Variants in HSDL2 observed in about 807,000 individuals in gnomAD.
HSDL2 encodes hydroxysteroid dehydrogenase like 2, also known as hydroxysteroid dehydrogenase-like protein 2.
HSDL2 carries 27 observed loss-of-function variants against 46.3 expected under a neutral mutation model. That is an observed-to-expected ratio of 0.58 (90% confidence interval 0.43 to 0.80). The LOEUF is 0.80. Among genes scored for constraint, HSDL2 ranks in the 30% least tolerant of loss-of-function variants. The pLI is 0.00. For missense variants in HSDL2, 451 were observed against 502.7 expected (o/e 0.90, Z 0.98); for synonymous variants, 153 against 163.6 (o/e 0.94, Z 0.50).
chr9:112,443,677 CTAT>C (rs1832691089), intron 8 of HSDL2, among the ~76,000 whole-genome samples: 1 of 152,180 alleles, frequency 6.6e-6, no homozygotes, highest in African/African-American at 2.4e-5. Context: ...CTGCAGTGAG[CTAT>C]GATTGAGCTA....
Position 112,470,401 on chromosome 9 carries a change from TG to T in HSDL2, c.1145-30del, listed in dbSNP as rs774619699. On this transcript the variant is annotated intron_variant, in intron 10 of 10. Transcript: ENST00000398805. Reference sequence around the variant, plus strand: ...ATATATCCCTAAGGGCACTAATGGTTGCTTTTCCCTCTCTCATTTTCTCATT... The same window carrying T: ...ATATATCCCTAAGGGCACTAATGGTTCTTTTCCCTCTCTCATTTTCTCATT... 5 of 1,389,432 alleles carry T rather than the reference TG, an allele frequency of 3.6e-6. No homozygotes were observed. The South Asian group carries it at 5.9e-5, about 16-fold the overall frequency. The allele number at this position is 1,389,432 out of a possible 1,614,324, so 86.1% of individuals were successfully genotyped here.
chr9:112,464,398 A>T (rs4978491), intron 10 of HSDL2, among the ~76,000 whole-genome samples: 145,537 of 152,356 alleles, frequency 0.96, 69,571 homozygotes, highest in African/African-American at 0.98. Flanking sequence ...TATCTTCTGT[A>T]TTACAAAAGT....
intron 1 of HSDL2, among the ~76,000 whole-genome samples, chr9:112,383,763 A>G (rs1007358407): frequency 6.6e-6 from 1 of 152,168 alleles, no homozygotes; most frequent in African/African-American, 2.4e-5. Flanking sequence ...GTGCATTGGC[A>G]CCATCATAGT....
intron 8 of HSDL2, among the ~76,000 whole-genome samples, chr9:112,444,311 A>T (rs1355088911): frequency 6.6e-6 from 1 of 152,200 alleles, no homozygotes; most frequent in African/African-American, 2.4e-5. Context: ...CCAACAACTT[A>T]TAATAACCCC....
At chr9:112,391,278 C>T (rs116807541) in intron 1 of HSDL2, among the ~76,000 whole-genome samples, 91 of 151,496 alleles carry the variant, frequency 6.0e-4, no homozygotes, top group African/African-American at 1.6e-3. Context: ...TGAGCCTGGG[C>T]GACATAGCAA....
At chr9:112,458,317 C>CGT (rs1833092695) in intron 9 of HSDL2, among the ~76,000 whole-genome samples, 1 of 53,156 alleles carries the variant, frequency 1.9e-5, no homozygotes, top group Non-Finnish European at 3.7e-5. Context: ...TTAACCACTT[C>CGT]TTCTTTTTTT....
chr9:112,420,947 A>AT (rs11410283), intron 6 of HSDL2, among the ~76,000 whole-genome samples: 67,294 of 150,430 alleles, frequency 0.45, 15,019 homozygotes, highest in Middle Eastern at 0.52. Context: ...AGCGCTGGTA[A>AT]TTTTTTTTTT....
At chr9:112,454,534 T>C (rs1832968819) in intron 9 of HSDL2, among the ~76,000 whole-genome samples, 1 of 152,114 alleles carries the variant, frequency 6.6e-6, no homozygotes, top group Non-Finnish European at 1.5e-5. Context: ...CCCAGTGTTA[T>C]ATAACTCTGG....
chr9:112,470,347 T>C (rs1220230657), intron 10 of HSDL2, 85 bp from the exon 11 acceptor site: 8 of 753,476 alleles, frequency 1.1e-5, no homozygotes, highest in African/African-American at 3.6e-5. Flanking sequence ...CTCAAGGAGA[T>C]TCTTTTTACA....
At chr9:112,397,212 A>G (rs996584166) in intron 1 of HSDL2, among the ~76,000 whole-genome samples, 8 of 152,132 alleles carry the variant, frequency 5.3e-5, no homozygotes, top group Admixed American at 5.2e-4. Context: ...AGCCGGTTTG[A>G]TTGCCGTCCT....
At chr9:112,469,380 G>A (rs1024779081) in intron 10 of HSDL2, among the ~76,000 whole-genome samples, 3 of 152,014 alleles carry the variant, frequency 2.0e-5, no homozygotes, top group African/African-American at 7.3e-5. Context: ...ATATCAATTA[G>A]CATAATGTAA....
chr9:112,459,311 C>A, intron 9 of HSDL2, 138 bp from the exon 10 acceptor site: 3 of 840,666 alleles, frequency 3.6e-6, no homozygotes, highest in Admixed American at 2.5e-5. Flanking sequence ...TAAATATTTG[C>A]TGAATTTGAC....
chr9:112,461,328 C>T (rs2132707958), intron 10 of HSDL2, among the ~76,000 whole-genome samples: 1 of 152,328 alleles, frequency 6.6e-6, no homozygotes, highest in East Asian at 1.9e-4. Flanking sequence ...ATCCACCCGC[C>T]TTGGCCTCCC....
chr9:112,470,743 G>A lies in HSDL2; in HGVS notation c.*199G>A. The A allele has an allele frequency of 2.3e-6, 1 of 443,034 alleles. No homozygotes were observed. The allele number at this position is 443,034 out of a possible 1,614,324, so 27.4% of individuals were successfully genotyped here. A position where few individuals can be genotyped will look rare whatever the true frequency, so the allele number is the denominator to read the frequency against. On this transcript the variant is annotated 3_prime_UTR_variant, in exon 11 of 11. Transcript: ENST00000398805. ...AATCAAACATAAGCTTCATTAAGTG[G>A]GATTCTAAGACAGTCTGTGTTTTTA...
chr9:112,420,624 T>C (rs1832098250), intron 6 of HSDL2, among the ~76,000 whole-genome samples: 1 of 152,140 alleles, frequency 6.6e-6, no homozygotes, highest in African/African-American at 2.4e-5. Context: ...TGAGCCATGG[T>C]CATGCTGTTG....
At position 112,405,615 on chromosome 9, in the gene HSDL2, T is replaced by G. The variant is rs1831707795; in HGVS notation, c.182-9T>G. On this transcript the variant is annotated splice_polypyrimidine_tract_variant and intron_variant, in intron 2 of 10. Coordinates refer to ENST00000398805, the MANE Select transcript of HSDL2 (RefSeq NM_032303.5). ...TTAACGCTTTTTCATTTTGTATCCTTTATATAAGTTGAAGCAGTTGGAGGA... is the reference window on the plus strand; with the variant it reads ...TTAACGCTTTTTCATTTTGTATCCTGTATATAAGTTGAAGCAGTTGGAGGA... 6.3e-7 allele frequency: 1 copy of G among 1,576,376 alleles called. No homozygotes were observed.
chr9:112,428,648 AGCTTTTGTTT>A (rs890754987), intron 6 of HSDL2, among the ~76,000 whole-genome samples: 10 of 152,186 alleles, frequency 6.6e-5, no homozygotes, highest in African/African-American at 2.4e-4. Flanking sequence ...TTGTTTCATA[AGCTTTTGTTT>A]CATATATGAA....
chr9:112,428,441 G>A (rs1043694085), intron 6 of HSDL2, among the ~76,000 whole-genome samples: 1 of 152,168 alleles, frequency 6.6e-6, no homozygotes, highest in Non-Finnish European at 1.5e-5. Context: ...GGAAAAAGAT[G>A]AGAGTGAAAA....
chr9:112,421,353 A>G (rs917161738), intron 6 of HSDL2, among the ~76,000 whole-genome samples: 1 of 152,112 alleles, frequency 6.6e-6, no homozygotes, highest in African/African-American at 2.4e-5. Context: ...ACAAACAAAA[A>G]TTGAACAGAA....
Sources: gnomAD v4.1 joint callset for allele counts (sites outside exome capture counted in the v4.1 genomes callset) on GRCh38, gnomAD v4.1.1 for gene constraint, MANE v1.5 for transcripts, NCBI Gene and HGNC (gene_info 2026-07-23, HGNC 2026-07-21) for gene names.